The following ARHGAP15 variants were observed in gnomAD, a reference collection of about 807,000 sequenced individuals.
ARHGAP15 encodes the protein Rho GTPase activating protein 15, also known as rho GTPase-activating protein 15.
In ARHGAP15, 51 loss-of-function variants were observed where a neutral mutation model predicts 63.7. The observed-to-expected ratio is 0.80, with a 90% CI of 0.64 to 1.01. The LOEUF is 1.01. Ranked by LOEUF, ARHGAP15 falls within the 50% of genes least tolerant of loss-of-function variation. The pLI, the probability that ARHGAP15 is intolerant of heterozygous loss-of-function variation, is 0.00. For missense variants in ARHGAP15, 560 were observed against 564.6 expected, an observed-to-expected ratio of 0.99 and a Z score of 0.08; for synonymous variants, 191 against 193.8, an observed-to-expected ratio of 0.99 and a Z score of 0.12.
At chr2:143,558,070 T>C (rs1695882433) in intron 11 of ARHGAP15, among the ~76,000 whole-genome samples, 1 of 152,114 alleles carries the variant, frequency 6.6e-6, no homozygotes, top group South Asian at 2.1e-4. Flanking sequence ...TAGTTTTCCT[T>C]TTACTTAAAA....
chr2:143,257,234 A>G (rs1016132477), intron 6 of ARHGAP15, among the ~76,000 whole-genome samples: 2 of 152,120 alleles, frequency 1.3e-5, no homozygotes, highest in African/African-American at 4.8e-5. Context: ...CTGCCTTACT[A>G]GATTCATTCT....
chr2:143,454,703 G>A (rs1690564870), intron 8 of ARHGAP15, among the ~76,000 whole-genome samples: 1 of 151,992 alleles, frequency 6.6e-6, no homozygotes, highest in African/African-American at 2.4e-5. Flanking sequence ...TAATTTTTCT[G>A]TGTTGTAATA....
chr2:143,749,554 C>T (rs115845427), intron 13 of ARHGAP15, among the ~76,000 whole-genome samples: 1 of 152,118 alleles, frequency 6.6e-6, no homozygotes, highest in Non-Finnish European at 1.5e-5. Flanking sequence ...TTATTTCAGC[C>T]TTGGTGTCAC....
At chr2:143,456,118 C>T (rs181425359) in intron 8 of ARHGAP15, among the ~76,000 whole-genome samples, 3 of 152,182 alleles carry the variant, frequency 2.0e-5, no homozygotes, top group Admixed American at 2.0e-4. Flanking sequence ...GCTGCCAGAA[C>T]CTACATTTGG....
chr2:143,414,451 ATT>A (rs1278244432), intron 6 of ARHGAP15, among the ~76,000 whole-genome samples: 1 of 152,046 alleles, frequency 6.6e-6, no homozygotes, highest in Non-Finnish European at 1.5e-5. Flanking sequence ...GATAATATTA[ATT>A]ATTTTTAGGA....
In ARHGAP15 at chr2:143,408,376, C is replaced by T. The variant is rs147306253; in HGVS notation, c.475-27225C>T. On this transcript the variant is annotated intron_variant, in intron 6 of 13. Transcript: ENST00000295095. ...CTTTTCTATATCTGGACTTCTTTTC[C>T]TTCCTCACTGAAACTCTGGACCACA... Among the ~76,000 whole-genome samples, 583 of 150,006 alleles carry T rather than the reference C, an allele frequency of 3.9e-3. 2 individuals are homozygous for T. Among genetic ancestry groups the T allele is most frequent in the Admixed American group, 6.0e-3 (90 of 15,074 alleles).
At chr2:143,212,578 G>A (rs1692603256) in intron 3 of ARHGAP15, among the ~76,000 whole-genome samples, 1 of 152,140 alleles carries the variant, frequency 6.6e-6, no homozygotes, top group Non-Finnish European at 1.5e-5. Context: ...CTTAGACCTA[G>A]AGCTGTAAGT....
chr2:143,435,584 T>TTC lies in ARHGAP15; in HGVS notation c.475-16_475-15insCT, dbSNP rs776265149. On this transcript the variant is annotated splice_polypyrimidine_tract_variant and intron_variant, in intron 6 of 13. Transcript: ENST00000295095. The stretch of plus-strand genomic sequence containing the variant: ...TCTTTACCTGTCTATTTCTTTTTCT[T>TTC]TTTTTTTTTTTTGCAGATCACAACA... 5.5e-6 allele frequency: 7 copies of TTC among 1,275,284 alleles called. No homozygotes were observed. The highest frequency in any genetic ancestry group is 7.2e-6 in the Non-Finnish European group (7 of 968,216). 79.0% of individuals were successfully genotyped at this position (1,275,284 alleles called of 1,614,324 possible).
At chr2:143,417,343 T>A (rs1253300189) in intron 6 of ARHGAP15, among the ~76,000 whole-genome samples, 2 of 152,240 alleles carry the variant, frequency 1.3e-5, no homozygotes, top group Non-Finnish European at 2.9e-5. Flanking sequence ...TTACACATAC[T>A]TTCTTCTTTC....
intron 6 of ARHGAP15, among the ~76,000 whole-genome samples, chr2:143,293,653 C>A (rs746334857): frequency 1.3e-5 from 2 of 151,988 alleles, no homozygotes; most frequent in Non-Finnish European, 2.9e-5. Flanking sequence ...ATTTACTAAG[C>A]ACCTGATGAA....
Position 143,595,744 on chromosome 2 carries a change from G to A in ARHGAP15, c.1004-28389G>A, listed in dbSNP as rs146285813. ...CCACTCATCCTTTCTTGAGGATACC[G>A]TCTCCTAAGTCCTCTGAGATGCATA... On this transcript the variant is annotated intron_variant, in intron 11 of 13. Coordinates refer to ENST00000295095, the MANE Select transcript of ARHGAP15 (RefSeq NM_018460.4). Among the ~76,000 whole-genome samples, 7 of 152,168 alleles carry A rather than the reference G, an allele frequency of 4.6e-5. No homozygotes were observed. In the East Asian group the frequency reaches 9.7e-4, roughly 21 times the overall value.
At chr2:143,205,104 A>T (rs1692277261) in intron 3 of ARHGAP15, among the ~76,000 whole-genome samples, 1 of 151,906 alleles carries the variant, frequency 6.6e-6, no homozygotes, top group African/African-American at 2.4e-5. Flanking sequence ...TTTACTAAAA[A>T]TTAGTAAATT....
intron 12 of ARHGAP15, among the ~76,000 whole-genome samples, chr2:143,657,508 T>G (rs1681517830): frequency 1.3e-5 from 2 of 152,242 alleles, no homozygotes; most frequent in South Asian, 4.1e-4. Flanking sequence ...GCAAGATTTC[T>G]TCCTGGAATT....
chr2:143,634,866 C>T (rs72992557), intron 12 of ARHGAP15, among the ~76,000 whole-genome samples: 436 of 152,170 alleles, frequency 2.9e-3, no homozygotes, highest in African/African-American at 9.9e-3. Context: ...AGAACTTACG[C>T]CTTTATCATA....
chr2:143,490,176 T>A (rs1014673445), intron 9 of ARHGAP15, among the ~76,000 whole-genome samples: 1 of 152,108 alleles, frequency 6.6e-6, no homozygotes, highest in Non-Finnish European at 1.5e-5. Context: ...ATATTTTGTA[T>A]TTTTAGTAGA....
At chr2:143,338,803 ATTC>A (rs1182936499) in intron 6 of ARHGAP15, among the ~76,000 whole-genome samples, 2 of 152,076 alleles carry the variant, frequency 1.3e-5, no homozygotes, top group East Asian at 1.9e-4. Flanking sequence ...CCTGGTTCAA[ATTC>A]TTCTTCAGTT....
At chr2:143,660,593 C>T (rs780053118) in intron 12 of ARHGAP15, among the ~76,000 whole-genome samples, 20 of 152,272 alleles carry the variant, frequency 1.3e-4, no homozygotes, top group Middle Eastern at 6.8e-3. Flanking sequence ...ACTCACTTAG[C>T]GACAGACCTG....
intron 6 of ARHGAP15, among the ~76,000 whole-genome samples, chr2:143,331,167 A>C (rs1001296557): frequency 1.2e-4 from 18 of 152,298 alleles, no homozygotes; most frequent in African/African-American, 4.1e-4. Flanking sequence ...ATTATAATAC[A>C]TAACAAACAT....
intron 5 of ARHGAP15, among the ~76,000 whole-genome samples, chr2:143,243,476 A>C (rs1298819698): frequency 1.3e-5 from 2 of 152,142 alleles, no homozygotes; most frequent in Non-Finnish European, 2.9e-5. Flanking sequence ...AGTTTACCCC[A>C]GAAGAAATAT....
Sources: allele counts gnomAD v4.1 joint callset (sites outside exome capture counted in the v4.1 genomes callset), GRCh38; gene constraint gnomAD v4.1.1; transcripts MANE v1.5; gene names NCBI Gene and HGNC (gene_info 2026-07-23, HGNC 2026-07-21).